The following TSPAN15 variants were observed in gnomAD, a reference collection of about 807,000 sequenced individuals.
TSPAN15 encodes tetraspanin 15, also known as tetraspanin-15.
Under a neutral mutation model 34.5 loss-of-function variants are expected in TSPAN15, and 20 were observed. The observed-to-expected ratio is 0.58, with a 90% confidence interval of 0.41 to 0.84. TSPAN15 has a LOEUF of 0.84. Ranked by LOEUF, TSPAN15 falls within the 40% of genes least tolerant of loss-of-function variation. The pLI is 0.00. For synonymous variants in TSPAN15, 155 were observed against 153.9 expected, an observed-to-expected ratio of 1.01 and a Z score of -0.05; for missense variants, 313 against 386.1, an observed-to-expected ratio of 0.81 and a Z score of 1.59.
intron 1 of TSPAN15, among the ~76,000 whole-genome samples, chr10:69,468,806 C>A (rs1165742067): frequency 6.6e-6 from 1 of 151,998 alleles, no homozygotes. Context: ...ACTTTTCAGT[C>A]CTATATACAG....
the TSPAN15 span, among the ~76,000 whole-genome samples, chr10:69,537,292 C>T: frequency 7.9e-5 from 12 of 152,166 alleles, no homozygotes; most frequent in African/African-American, 2.7e-4. Context: ...TATGGCTGGC[C>T]TGGGAAAAGA....
At chr10:69,462,009 C>T (rs114730541) in intron 1 of TSPAN15, among the ~76,000 whole-genome samples, 2,795 of 146,378 alleles carry the variant, frequency 0.019, 100 homozygotes, top group African/African-American at 0.067. Flanking sequence ...ATTATAATGA[C>T]AGGGTCTTGC....
In TSPAN15 at chr10:69,506,457, G is replaced by T. The variant is rs1357166243; in HGVS notation, c.735+217G>T. 5.0e-6 allele frequency: 3 copies of T among 598,676 alleles called. No individual in the cohort carries two copies. Among genetic ancestry groups the T allele is most frequent in the Admixed American group, 5.9e-5 (2 of 33,836 alleles). 37.1% of individuals were successfully genotyped at this position (598,676 alleles called of 1,614,324 possible). On this transcript the variant is annotated intron_variant, in intron 7 of 7. Transcript: ENST00000373290. This position sits in a 1 kb window ranked among gnomAD's most constrained non-coding sequence, Gnocchi z 4.7. Reference sequence around the variant, plus strand: ...CTGCTGCTTCACTTCTTTTTGTGAGGGAGGCACTATTATAATGCCTATTTC... The same window carrying T: ...CTGCTGCTTCACTTCTTTTTGTGAGTGAGGCACTATTATAATGCCTATTTC...
the TSPAN15 span, among the ~76,000 whole-genome samples, chr10:69,545,739 A>ATG: frequency 6.6e-6 from 1 of 152,072 alleles, no homozygotes; most frequent in African/African-American, 2.4e-5. Context: ...GGCGAATCAC[A>ATG]AAGTCAGGAG....
chr10:69,469,010 G>A (rs1841448821), intron 1 of TSPAN15, among the ~76,000 whole-genome samples: 1 of 100,368 alleles, frequency 1.0e-5, no homozygotes, highest in Non-Finnish European at 2.1e-5. Flanking sequence ...ACGGCCTTAG[G>A]ATGGGGCGAA....
the TSPAN15 span, among the ~76,000 whole-genome samples, chr10:69,519,801 C>T: frequency 1.3e-5 from 2 of 152,124 alleles, no homozygotes; most frequent in African/African-American, 2.4e-5. Flanking sequence ...GGCGTGATCT[C>T]GGCTCACCGC....
chr10:69,459,928 C>A (rs547218915), intron 1 of TSPAN15, among the ~76,000 whole-genome samples: 15 of 133,996 alleles, frequency 1.1e-4, no homozygotes, highest in African/African-American at 2.7e-4. Flanking sequence ...GCACCCCCCC[C>A]CCACGAATGG....
chr10:69,532,722 A>ATGTT, the TSPAN15 span, among the ~76,000 whole-genome samples: 1 of 152,258 alleles, frequency 6.6e-6, no homozygotes, highest in Non-Finnish European at 1.5e-5. Flanking sequence ...GCAAAGGAAC[A>ATGTT]GTCAGCAGAG....
At chr10:69,546,589 A>C in the TSPAN15 span, among the ~76,000 whole-genome samples, 3,120 of 152,150 alleles carry the variant, frequency 0.021, 54 homozygotes, top group Non-Finnish European at 0.033. Flanking sequence ...TCATTGATTC[A>C]ACTCTGCCCT....
chr10:69,514,169 G>A, the TSPAN15 span, among the ~76,000 whole-genome samples: 2 of 152,188 alleles, frequency 1.3e-5, no homozygotes, highest in African/African-American at 4.8e-5. Context: ...CGAATATGGT[G>A]AATTTCATTC....
At chr10:69,487,826 G>C (rs925552038) in intron 3 of TSPAN15, among the ~76,000 whole-genome samples, 3 of 152,186 alleles carry the variant, frequency 2.0e-5, no homozygotes, top group Admixed American at 6.5e-5. Context: ...GGTCAGGCCT[G>C]ACAATTTCTC....
At chr10:69,527,609 T>A in the TSPAN15 span, among the ~76,000 whole-genome samples, 2 of 137,194 alleles carry the variant, frequency 1.5e-5, 1 homozygote, top group African/African-American at 5.4e-5. Flanking sequence ...AAAAAAAAAA[T>A]TTAAGAAAGT....
At chr10:69,523,376 TG>T in the TSPAN15 span, 6 of 583,216 alleles carry the variant, frequency 1.0e-5, no homozygotes, top group African/African-American at 5.7e-5. Context: ...GTCTGGATGC[TG>T]GGGTCTCCAC....
At chr10:69,532,520 A>T in the TSPAN15 span, among the ~76,000 whole-genome samples, 3 of 152,378 alleles carry the variant, frequency 2.0e-5, no homozygotes, top group South Asian at 6.2e-4. Flanking sequence ...ACCTTATACA[A>T]AAATCAACTC....
At chr10:69,534,708 T>C in the TSPAN15 span, among the ~76,000 whole-genome samples, 1 of 151,190 alleles carries the variant, frequency 6.6e-6, no homozygotes, top group African/African-American at 2.4e-5. Flanking sequence ...TTGGGCCAGG[T>C]GTAGTGGCTC....
chr10:69,463,976 A>G (rs992138427), intron 1 of TSPAN15, among the ~76,000 whole-genome samples: 33 of 152,338 alleles, frequency 2.2e-4, no homozygotes, highest in African/African-American at 7.7e-4. Context: ...AAGTGCCTTT[A>G]TAAGAGAAAG....
At chr10:69,499,184 G>A (rs1029011398) in intron 5 of TSPAN15, among the ~76,000 whole-genome samples, 1 of 152,232 alleles carries the variant, frequency 6.6e-6, no homozygotes, top group Non-Finnish European at 1.5e-5. Flanking sequence ...GGAACGAGGT[G>A]GAGAGCTTTG....
chr10:69,499,524 C>G (rs1842158125), intron 5 of TSPAN15, among the ~76,000 whole-genome samples: 1 of 152,148 alleles, frequency 6.6e-6, no homozygotes, highest in Non-Finnish European at 1.5e-5. Context: ...ATGTGGAAGC[C>G]AAACTTGTAT....
chr10:69,473,885 C>T (rs968312804), intron 1 of TSPAN15, among the ~76,000 whole-genome samples: 9 of 152,146 alleles, frequency 5.9e-5, no homozygotes, highest in African/African-American at 1.2e-4. Flanking sequence ...GGTACAGTTC[C>T]GATGTGGGAT....
Sources: gnomAD v4.1 joint callset for allele counts (sites outside exome capture counted in the v4.1 genomes callset) on GRCh38, gnomAD v4.1.1 for gene constraint, Gnocchi (gnomAD v3.1) non-coding constraint, MANE v1.5 for transcripts, NCBI Gene and HGNC (gene_info 2026-07-23, HGNC 2026-07-21) for gene names.